The following BCAS3 variants were observed in gnomAD, a reference collection of about 807,000 sequenced individuals.
BCAS3 encodes BCAS4/BCAS3 fusion.
BCAS3 carries 53 observed loss-of-function variants against 116.1 expected under a neutral mutation model. The observed-to-expected ratio is 0.46, with a 90% confidence interval of 0.37 to 0.57. BCAS3 has a LOEUF of 0.57. BCAS3 is among the 20% of genes least tolerant of loss of function. BCAS3 has a pLI of 0.00. For synonymous variants in BCAS3, 391 were observed against 408.2 expected (o/e 0.96, Z 0.51); for missense variants, 917 against 1,165.4 (o/e 0.79, Z 3.10).
At chr17:60,693,536 TC>T (rs1406581108) in intron 4 of BCAS3, among the ~76,000 whole-genome samples, 3 of 151,468 alleles carry the variant, frequency 2.0e-5, no homozygotes, top group African/African-American at 2.4e-5. Flanking sequence ...CACCTCAGCC[TC>T]CTTAGTAGCT....
Position 60,868,702 on chromosome 17 carries a change from G to T in BCAS3, c.584+19G>T. On this transcript the variant is annotated intron_variant, in intron 8 of 23. Coordinates refer to ENST00000407086, the MANE Select transcript of BCAS3 (RefSeq NM_017679.5). ...ATAAACGGTAAGGATTTTTTCATGG[G>T]TTTCTTGTGTAAAATAAGAAACATG... is the stretch of plus-strand genomic sequence containing the variant. The T allele has an allele frequency of 6.8e-7, 1 of 1,466,198 alleles. No individual in the cohort carries two copies. The allele number at this position is 1,466,198 out of a possible 1,614,324, so 90.8% of individuals were successfully genotyped here.
At chr17:60,843,102 A>ATTT (rs72215944) in intron 7 of BCAS3, among the ~76,000 whole-genome samples, 1 of 150,612 alleles carries the variant, frequency 6.6e-6, no homozygotes, top group African/African-American at 2.4e-5. Flanking sequence ...TTTATTTTTT[A>ATTT]TTTTTTTGTT....
intron 19 of BCAS3, 106 bp downstream of exon 19, chr17:61,040,998 C>T (rs2067462049): frequency 2.2e-6 from 2 of 889,104 alleles, no homozygotes; most frequent in Non-Finnish European, 3.6e-6. Context: ...AGGCCATGGG[C>T]CTTAAAGAAT....
At chr17:60,989,307 AT>A (rs1312331193) in intron 14 of BCAS3, among the ~76,000 whole-genome samples, 1 of 152,050 alleles carries the variant, frequency 6.6e-6, no homozygotes, top group Non-Finnish European at 1.5e-5. Flanking sequence ...AAGTGGAGAT[AT>A]TTTTGCTCAA....
intron 22 of BCAS3, among the ~76,000 whole-genome samples, chr17:61,172,522 A>C (rs1194044422): frequency 6.6e-6 from 1 of 151,894 alleles, no homozygotes; most frequent in African/African-American, 2.4e-5. Context: ...CTGTAGTCCT[A>C]GCTACTCGGG....
chr17:60,812,072 A>G (rs1030994507), intron 7 of BCAS3, among the ~76,000 whole-genome samples: 4 of 151,710 alleles, frequency 2.6e-5, no homozygotes, highest in Non-Finnish European at 4.4e-5. Context: ...AAAAAAGTTC[A>G]TAAGTTGTTT....
rs924757063 is a variant in BCAS3 at position 61,352,420 on chromosome 17, A to G, written c.2426-15907A>G. Among the ~76,000 whole-genome samples the G allele has an allele frequency of 7.9e-5, 12 of 152,170 alleles. No homozygotes were observed. Among genetic ancestry groups the G allele is most frequent in the African/African-American group, 2.7e-4 (11 of 41,442 alleles). On this transcript the variant is annotated intron_variant, in intron 22 of 23. Transcript: ENST00000407086. This position sits in a 1 kb window ranked among gnomAD's most constrained non-coding sequence, Gnocchi z 4.7. Reference sequence around the variant, plus strand: ...AACAAAATATGTTGCTTCCTCCTCGAGGGAGGAATTGGCATTTCTTCCACA... The same window carrying G: ...AACAAAATATGTTGCTTCCTCCTCGGGGGAGGAATTGGCATTTCTTCCACA...
At chr17:60,864,344 G>A (rs1349698902) in intron 7 of BCAS3, among the ~76,000 whole-genome samples, 1 of 152,166 alleles carries the variant, frequency 6.6e-6, no homozygotes, top group Admixed American at 6.5e-5. Flanking sequence ...AGCTTTAGCT[G>A]GGTTAGACCT....
Position 60,727,173 on chromosome 17 carries a change from G to T in BCAS3, c.321+17848G>T, listed in dbSNP as rs997143206. Reference sequence around the variant, plus strand: ...GAAAAATATCCCAAAGTTTAGAACTGGATCTCTTGGCCCTTTCTCTTCTTA... The same window carrying T: ...GAAAAATATCCCAAAGTTTAGAACTTGATCTCTTGGCCCTTTCTCTTCTTA... On this transcript the variant is annotated intron_variant, in intron 5 of 23. Transcript: ENST00000407086. 1.2e-5 allele frequency: 9 copies of T among 766,358 alleles called. No individual in the cohort carries two copies. In the African/African-American group the frequency reaches 1.6e-4, roughly 13 times the overall value. The allele number at this position is 766,358 out of a possible 1,614,324, so 47.5% of individuals were successfully genotyped here. A position where few individuals can be genotyped will look rare whatever the true frequency, so the allele number is the denominator to read the frequency against.
rs11657952 is a variant in BCAS3, at chr17:61,106,394, G to A, written c.2425+21830G>A. Among the ~76,000 whole-genome samples, 5 of 152,102 alleles carry A rather than the reference G, an allele frequency of 3.3e-5. No homozygotes were observed. The highest frequency in any genetic ancestry group is 6.5e-5 in the Admixed American group (1 of 15,280). On this transcript the variant is annotated intron_variant, in intron 22 of 23. Coordinates refer to ENST00000407086, the MANE Select transcript of BCAS3 (RefSeq NM_017679.5). This position sits in a 1 kb window ranked among gnomAD's most constrained non-coding sequence, Gnocchi z 4.2. The stretch of plus-strand genomic sequence containing the variant: ...TGTGTTACAGTTGCCTACAGTATTC[G>A]GTACAGTAACATACTGCACAGATTT...
intron 2 of BCAS3, 33 bp from the exon 3 acceptor site, chr17:60,683,949 C>G (rs1407456743): frequency 6.3e-7 from 1 of 1,584,012 alleles, no homozygotes; most frequent in Admixed American, 1.7e-5. Context: ...TTAAGCTCTC[C>G]TGACCAGTGT....
intron 7 of BCAS3, among the ~76,000 whole-genome samples, chr17:60,823,184 G>A (rs552036178): frequency 6.6e-6 from 1 of 152,122 alleles, no homozygotes; most frequent in African/African-American, 2.4e-5. Flanking sequence ...GGGTAGATGT[G>A]GTAGTACTGT....
Position 61,300,655 on chromosome 17 carries a change from A to G in BCAS3, c.2426-67672A>G, listed in dbSNP as rs2053355634. On this transcript the variant is annotated intron_variant, in intron 22 of 23. Coordinates refer to ENST00000407086, the MANE Select transcript of BCAS3 (RefSeq NM_017679.5). This position sits in a 1 kb window ranked among gnomAD's most constrained non-coding sequence, Gnocchi z 5.1. ...ACTCAAACAATGAGAGAAGAAATGT[A>G]CAAAATGTGGAACTCTCTGCATTAG... Among the ~76,000 whole-genome samples, 2 of 152,252 alleles carry G rather than the reference A, an allele frequency of 1.3e-5. No homozygotes were observed. Among genetic ancestry groups the G allele is most frequent in the South Asian group, 2.1e-4 (1 of 4,838 alleles).
chr17:61,227,574 G>A lies in BCAS3; in HGVS notation c.2426-140753G>A, dbSNP rs1357145547. Among the ~76,000 whole-genome samples the A allele has an allele frequency of 6.6e-6, 1 of 152,208 alleles. No individual in the cohort carries two copies. The highest frequency in any genetic ancestry group is 2.4e-5 in the African/African-American group (1 of 41,448). On this transcript the variant is annotated intron_variant, in intron 22 of 23. Transcript: ENST00000407086. The surrounding 1 kb of genome is among the most constrained non-coding windows in gnomAD (Gnocchi z 6.1). ...GACAGTAGAACCAGGCCTGTGTGCT[G>A]GGGAGACCTTCTGTGCCCTAAGGCC...
intron 4 of BCAS3, among the ~76,000 whole-genome samples, chr17:60,694,673 G>A (rs2035344434): frequency 6.7e-6 from 1 of 149,626 alleles, no homozygotes; most frequent in African/African-American, 2.5e-5. Flanking sequence ...TGGTAGAGAT[G>A]AGGTGTTGCT....
intron 22 of BCAS3, among the ~76,000 whole-genome samples, chr17:61,314,727 C>T (rs2054593293): frequency 6.6e-6 from 1 of 152,216 alleles, no homozygotes; most frequent in South Asian, 2.1e-4. Context: ...TAAATCAAAA[C>T]ACAGGTCTTA....
intron 7 of BCAS3, chr17:60,811,180 C>G: frequency 3.0e-6 from 2 of 660,768 alleles, no homozygotes; most frequent in Non-Finnish European, 2.7e-6. Flanking sequence ...GGGGCAGATC[C>G]TGTAGACTGG....
Position 61,228,136 on chromosome 17 carries a change from A to G in BCAS3, c.2426-140191A>G, listed in dbSNP as rs967725462. On this transcript the variant is annotated intron_variant, in intron 22 of 23. Coordinates refer to ENST00000407086, the MANE Select transcript of BCAS3 (RefSeq NM_017679.5). The surrounding 1 kb of genome is among the most constrained non-coding windows in gnomAD (Gnocchi z 5.0). ...GAAACCAGCAGTAGGACCTTCCTCA[A>G]TTTTCAGCAAGTAGGACTCCTTATT... Among the ~76,000 whole-genome samples the G allele has an allele frequency of 2.0e-5, 3 of 152,126 alleles. No homozygotes were observed. The highest frequency in any genetic ancestry group is 1.9e-4 in the East Asian group (1 of 5,180).
intron 13 of BCAS3, among the ~76,000 whole-genome samples, chr17:60,929,508 T>G (rs2059530130): frequency 6.6e-6 from 1 of 152,166 alleles, no homozygotes; most frequent in Non-Finnish European, 1.5e-5. Context: ...TCTGAACTTT[T>G]ATTAATTGAC....
Sources: gnomAD v4.1 joint callset for allele counts (sites outside exome capture counted in the v4.1 genomes callset) on GRCh38, gnomAD v4.1.1 for gene constraint, Gnocchi (gnomAD v3.1) non-coding constraint, MANE v1.5 for transcripts, NCBI Gene and HGNC (gene_info 2026-07-23, HGNC 2026-07-21) for gene names.